EPB41L5: variants seen among roughly 807,000 people sequenced by gnomAD.
EPB41L5 encodes the protein erythrocyte membrane protein band 4.1 like 5, also known as band 4.1-like protein 5.
In EPB41L5, 55 loss-of-function variants were observed where a neutral mutation model predicts 106.6. The observed-to-expected ratio is 0.52, with a 90% CI of 0.42 to 0.65. The LOEUF is 0.65. Ranked by LOEUF, EPB41L5 falls within the 30% of genes least tolerant of loss-of-function variation. The pLI is 0.00. For missense variants in EPB41L5, 871 were observed against 882.1 expected (o/e 0.99, Z 0.16); for synonymous variants, 297 against 306.7 (o/e 0.97, Z 0.33).
chr2:120,164,376 A>G (rs540238504), intron 21 of EPB41L5, among the ~76,000 whole-genome samples: 1 of 152,040 alleles, frequency 6.6e-6, no homozygotes, highest in South Asian at 2.1e-4. Context: ...TACTGTGCCC[A>G]GCTTAGCTCA....
chr2:120,095,597 G>A (rs1231737398), intron 14 of EPB41L5, among the ~76,000 whole-genome samples: 6 of 151,292 alleles, frequency 4.0e-5, no homozygotes, highest in African/African-American at 4.9e-5. Context: ...ACTGGCGAGA[G>A]TATCTACTTT....
chr2:120,073,168 TG>T lies in EPB41L5; in HGVS notation c.286-9del, dbSNP rs772836447. ...ATCTGCTTAACTAAATTTTTGTTTT[TG>T]TTTTTCAGCATTGGTTGGATGGTAC... On this transcript the variant is annotated splice_polypyrimidine_tract_variant and intron_variant, in intron 3 of 24. Coordinates refer to ENST00000263713, the MANE Select transcript of EPB41L5 (RefSeq NM_020909.4). The T allele has an allele frequency of 7.5e-6, 12 of 1,600,994 alleles. No individual in the cohort carries two copies. The highest frequency in any genetic ancestry group is 1.0e-5 in the Non-Finnish European group (12 of 1,177,210).
At chr2:120,132,469 T>C (rs1458338924) in intron 18 of EPB41L5, among the ~76,000 whole-genome samples, 1 of 152,182 alleles carries the variant, frequency 6.6e-6, no homozygotes. Context: ...CATTCTTGGA[T>C]AACTAACTGG....
At chr2:120,098,503 A>G (rs1438861410) in intron 14 of EPB41L5, among the ~76,000 whole-genome samples, 1 of 152,102 alleles carries the variant, frequency 6.6e-6, no homozygotes, top group African/African-American at 2.4e-5. Flanking sequence ...ATGAGCCACC[A>G]TGCCTCACCA....
intron 18 of EPB41L5, among the ~76,000 whole-genome samples, chr2:120,140,557 C>T (rs561325461): frequency 1.1e-4 from 16 of 152,054 alleles, no homozygotes; most frequent in African/African-American, 2.6e-4. Flanking sequence ...TTGAGCCCCC[C>T]GATCTGAAAA....
intron 16 of EPB41L5, chr2:120,108,035 A>G (rs920323333): frequency 6.6e-6 from 1 of 152,164 alleles, no homozygotes; most frequent in Non-Finnish European, 1.5e-5. Flanking sequence ...TGGCTTTTTT[A>G]TTGTTATTTT....
intron 16 of EPB41L5, chr2:120,105,321 A>C: frequency 1.0e-6 from 1 of 959,722 alleles, no homozygotes; most frequent in Non-Finnish European, 1.2e-6. Context: ...TGTACATAGA[A>C]ATTTATAGAT....
rs2105550086 is a variant in EPB41L5 at position 120,164,893 on chromosome 2, C to A, written c.1945C>A (p.His649Asn). 6.2e-7 allele frequency: 1 copy of A among 1,609,332 alleles called. No individual in the cohort carries two copies. The highest frequency in any genetic ancestry group is 1.1e-5 in the South Asian group (1 of 90,382). The change falls in exon 22 of 25, where the codon CAC (histidine) becomes AAC (asparagine). Residue 649 changes from histidine (H) to asparagine (N), a missense_variant. Coordinates refer to ENST00000263713, the MANE Select transcript of EPB41L5 (RefSeq NM_020909.4). The part of the protein sequence containing the change: ...LASLTENLID[H>N]TVAPQVSSTS... ...ATCTCTAACTGAGAATCTAATTGAT[C>A]ACACAGTTGCACCTCAGGTAAATAT...
chr2:120,015,188 G>C (rs931082903), intron 1 of EPB41L5, among the ~76,000 whole-genome samples: 4 of 151,914 alleles, frequency 2.6e-5, no homozygotes, highest in Admixed American at 2.0e-4. Flanking sequence ...TTAGCCGGTC[G>C]TAGCGGCGGG....
At chr2:120,075,833 T>C in intron 7 of EPB41L5, 80 bp downstream of exon 7, 3 of 1,123,100 alleles carry the variant, frequency 2.7e-6, no homozygotes, top group Non-Finnish European at 4.1e-6. Flanking sequence ...AGATTCTAAT[T>C]ATGTGCAAGA....
chr2:120,085,794 G>C (rs889757141), intron 10 of EPB41L5, among the ~76,000 whole-genome samples: 11 of 152,172 alleles, frequency 7.2e-5, no homozygotes, highest in African/African-American at 2.2e-4. Flanking sequence ...AGCTTGTCCT[G>C]TGGGCAAATG....
At chr2:120,027,479 T>G (rs1678406366) in intron 2 of EPB41L5, among the ~76,000 whole-genome samples, 1 of 152,180 alleles carries the variant, frequency 6.6e-6, no homozygotes, top group Non-Finnish European at 1.5e-5. Flanking sequence ...AAGAGGGAGA[T>G]CTGTAAGGGA....
At chr2:120,043,532 G>A (rs1270706213) in intron 3 of EPB41L5, among the ~76,000 whole-genome samples, 1 of 151,294 alleles carries the variant, frequency 6.6e-6, no homozygotes, top group Non-Finnish European at 1.5e-5. Context: ...GGGTGACAGA[G>A]CGAGACCCTG....
At chr2:120,099,925 C>G (rs1369879980) in intron 14 of EPB41L5, among the ~76,000 whole-genome samples, 1 of 152,140 alleles carries the variant, frequency 6.6e-6, no homozygotes, top group Non-Finnish European at 1.5e-5. Flanking sequence ...GTGTTGCTGT[C>G]TTTGTTAGGC....
intron 3 of EPB41L5, among the ~76,000 whole-genome samples, chr2:120,050,558 T>C (rs200260708): frequency 6.6e-6 from 1 of 152,166 alleles, no homozygotes; most frequent in African/African-American, 2.4e-5. Context: ...TAGCCATTCG[T>C]CTAATCTTTT....
At chr2:120,090,829 T>G (rs1683359661) in intron 12 of EPB41L5, among the ~76,000 whole-genome samples, 1 of 152,200 alleles carries the variant, frequency 6.6e-6, no homozygotes, top group South Asian at 2.1e-4. Context: ...CTGGATACCA[T>G]ATAGAAAAGG....
intron 11 of EPB41L5, among the ~76,000 whole-genome samples, chr2:120,089,564 T>C (rs926329648): frequency 3.3e-5 from 5 of 152,134 alleles, no homozygotes; most frequent in Admixed American, 1.3e-4. Flanking sequence ...CATTCATCAT[T>C]TATTCATTTA....
chr2:120,049,353 G>A (rs973357976), intron 3 of EPB41L5, among the ~76,000 whole-genome samples: 6 of 152,114 alleles, frequency 3.9e-5, no homozygotes, highest in African/African-American at 1.4e-4. Flanking sequence ...CTCCTGTATT[G>A]GGTACATGTA....
chr2:120,112,633 G>A (rs181179164), intron 16 of EPB41L5, among the ~76,000 whole-genome samples: 523 of 152,248 alleles, frequency 3.4e-3, no homozygotes, highest in South Asian at 8.5e-3. Flanking sequence ...AAATCATTAC[G>A]GGCCCAGGGA....
Sources: gnomAD v4.1 joint callset for allele counts (sites outside exome capture counted in the v4.1 genomes callset) on GRCh38, gnomAD v4.1.1 for gene constraint, MANE v1.5 for transcripts, NCBI Gene and HGNC (gene_info 2026-07-23, HGNC 2026-07-21) for gene names.